Variants in FHIT observed in about 807,000 individuals in gnomAD.
FHIT encodes the protein bis(5'-adenosyl)-triphosphatase.
A neutral mutation model predicts 17.9 loss-of-function variants in FHIT; 19 were observed. The ratio of observed to expected loss-of-function variants is 1.06; its 90% confidence interval spans 0.74 to 1.56. FHIT has a LOEUF of 1.56. FHIT is among the 40% of genes most tolerant of loss of function. FHIT has a pLI of 0.00. For missense variants in FHIT, 248 were observed against 189.2 expected (o/e 1.31, Z -1.82); for synonymous variants, 81 against 69.7 (o/e 1.16, Z -0.81).
intron 5 of FHIT, among the ~76,000 whole-genome samples, chr3:60,339,772 G>A (rs918309454): frequency 1.3e-5 from 2 of 152,158 alleles, no homozygotes; most frequent in Non-Finnish European, 2.9e-5. Context: ...TCAAGCTCTG[G>A]TGTTCCTGGG....
At chr3:60,914,676 G>T (rs1409956892) in intron 3 of FHIT, among the ~76,000 whole-genome samples, 2 of 152,100 alleles carry the variant, frequency 1.3e-5, no homozygotes, top group African/African-American at 4.8e-5. Flanking sequence ...GCCTCATAAC[G>T]TCCACCTTTA....
At chr3:60,215,670 G>A (rs1703666753) in intron 5 of FHIT, among the ~76,000 whole-genome samples, 1 of 152,154 alleles carries the variant, frequency 6.6e-6, no homozygotes, top group African/African-American at 2.4e-5. Context: ...TCTAATAAAT[G>A]CCTGCAATAG....
intron 5 of FHIT, among the ~76,000 whole-genome samples, chr3:60,436,349 C>A (rs1452347355): frequency 6.6e-6 from 1 of 152,112 alleles, no homozygotes; most frequent in Non-Finnish European, 1.5e-5. Context: ...CACACCCAGC[C>A]AGTACCACAT....
intron 3 of FHIT, among the ~76,000 whole-genome samples, chr3:60,924,710 A>G (rs975019234): frequency 2.0e-5 from 3 of 152,220 alleles, no homozygotes; most frequent in African/African-American, 7.2e-5. Context: ...TGGACGGAGA[A>G]TGACTTTGAC....
At chr3:61,042,146 A>G (rs1226961054) in intron 2 of FHIT, 47 bp from the exon 3 acceptor site, 1 of 152,266 alleles carries the variant, frequency 6.6e-6, no homozygotes, top group African/African-American at 2.4e-5. Flanking sequence ...GAAATATCCC[A>G]GGAAGAAAAC....
intron 1 of FHIT, among the ~76,000 whole-genome samples, chr3:61,207,804 G>A (rs1351995797): frequency 6.6e-6 from 1 of 151,988 alleles, no homozygotes; most frequent in Non-Finnish European, 1.5e-5. Flanking sequence ...AGGGTTTTTT[G>A]TGTCTCTATT....
chr3:60,241,955 G>C (rs1275942079), intron 5 of FHIT, among the ~76,000 whole-genome samples: 2 of 151,960 alleles, frequency 1.3e-5, no homozygotes, highest in Non-Finnish European at 2.9e-5. Context: ...TTAGCTCCTA[G>C]GTAGAGAAAA....
chr3:60,233,021 C>G (rs1704582141), intron 5 of FHIT, among the ~76,000 whole-genome samples: 1 of 152,000 alleles, frequency 6.6e-6, no homozygotes. Flanking sequence ...TAACACTGTG[C>G]AGTGGTGGTG....
chr3:60,200,150 T>C (rs1702831322), intron 5 of FHIT, among the ~76,000 whole-genome samples: 1 of 152,016 alleles, frequency 6.6e-6, no homozygotes, highest in South Asian at 2.1e-4. Flanking sequence ...GAACAGGGTG[T>C]CTCCATCCAG....
At chr3:59,854,606 G>C (rs1453424186) in intron 8 of FHIT, among the ~76,000 whole-genome samples, 1 of 152,124 alleles carries the variant, frequency 6.6e-6, no homozygotes, top group Admixed American at 6.5e-5. Flanking sequence ...AGAATCCAGA[G>C]CTTATTTTAT....
chr3:60,786,826 A>AT (rs1700594481), intron 4 of FHIT, among the ~76,000 whole-genome samples: 2 of 152,104 alleles, frequency 1.3e-5, no homozygotes, highest in African/African-American at 4.8e-5. Flanking sequence ...GAATGGGCTG[A>AT]TTTTCCTATT....
intron 4 of FHIT, among the ~76,000 whole-genome samples, chr3:60,719,628 G>A (rs182006074): frequency 6.6e-6 from 1 of 152,264 alleles, no homozygotes; most frequent in Admixed American, 6.5e-5. Flanking sequence ...TCCTAGAAGG[G>A]CAGAAATTCA....
chr3:59,763,716 T>C (rs1022696542), intron 8 of FHIT, among the ~76,000 whole-genome samples: 2 of 149,714 alleles, frequency 1.3e-5, no homozygotes, highest in East Asian at 4.0e-4. Context: ...AAGACTGCTC[T>C]GAGGAAAGGA....
chr3:60,054,899 T>C (rs1350093177), intron 5 of FHIT, among the ~76,000 whole-genome samples: 2 of 152,168 alleles, frequency 1.3e-5, no homozygotes, highest in Non-Finnish European at 1.5e-5. Context: ...TTGTGTTTTA[T>C]TTTTGTTTAC....
chr3:60,167,597 G>C (rs890660492), intron 5 of FHIT, among the ~76,000 whole-genome samples: 1 of 152,108 alleles, frequency 6.6e-6, no homozygotes, highest in African/African-American at 2.4e-5. Context: ...AATGATTAGA[G>C]GGCAACTATG....
chr3:61,216,910 C>T (rs552979368), intron 1 of FHIT, among the ~76,000 whole-genome samples: 87 of 146,898 alleles, frequency 5.9e-4, no homozygotes, highest in African/African-American at 1.8e-3. Context: ...AACCAAACAC[C>T]GCATGTTCTC....
intron 2 of FHIT, among the ~76,000 whole-genome samples, chr3:61,134,884 C>T (rs958198996): frequency 3.3e-5 from 5 of 152,152 alleles, no homozygotes; most frequent in Admixed American, 1.3e-4. Flanking sequence ...TGTTCAAATG[C>T]CCAGTGGCTG....
intron 8 of FHIT, among the ~76,000 whole-genome samples, chr3:59,866,667 C>A (rs1485220295): frequency 1.3e-5 from 2 of 152,040 alleles, no homozygotes; most frequent in Non-Finnish European, 1.5e-5. Context: ...TAAAGGATTA[C>A]TTGAAATCAC....
chr3:60,903,831 G>T (rs1316086977), intron 3 of FHIT, among the ~76,000 whole-genome samples: 1 of 152,170 alleles, frequency 6.6e-6, no homozygotes, highest in African/African-American at 2.4e-5. Flanking sequence ...TGCCAATGAG[G>T]AAGTCAGGTT....
Sources: allele counts gnomAD v4.1 joint callset (sites outside exome capture counted in the v4.1 genomes callset), GRCh38; gene constraint gnomAD v4.1.1; transcripts MANE v1.5; gene names NCBI Gene and HGNC (gene_info 2026-07-23, HGNC 2026-07-21).